CCDC85C: variants seen among roughly 807,000 people sequenced by gnomAD.
CCDC85C encodes coiled-coil domain-containing protein 85C.
CCDC85C carries 18 observed loss-of-function variants against 38.3 expected under a neutral mutation model. The ratio of observed to expected loss-of-function variants is 0.47; its 90% CI spans 0.33 to 0.70. The LOEUF (loss-of-function observed/expected upper bound fraction) is 0.70, where lower values mean the gene tolerates loss of function less well. Ranked by LOEUF, CCDC85C falls within the 30% of genes least tolerant of loss-of-function variation. The pLI is 0.03. For missense variants in CCDC85C, 566 were observed against 621.2 expected, an observed-to-expected ratio of 0.91 and a Z score of 0.94; for synonymous variants, 264 against 293.8, an observed-to-expected ratio of 0.90 and a Z score of 1.04.
chr14:99,583,509 A>C (rs1054778240), intron 1 of CCDC85C, among the ~76,000 whole-genome samples: 2 of 150,786 alleles, frequency 1.3e-5, no homozygotes, highest in African/African-American at 4.9e-5. Flanking sequence ...TCTCAAAAAA[A>C]AAAAAAAAAA....
chr14:99,578,196 T>TGTGTAC (rs1566780374), intron 1 of CCDC85C, among the ~76,000 whole-genome samples: 5 of 143,774 alleles, frequency 3.5e-5, no homozygotes, highest in African/African-American at 1.4e-4. Flanking sequence ...TGTGTGTGTG[T>TGTGTAC]ACATATCTCT....
At chr14:99,562,485 A>C (rs895521348) in intron 1 of CCDC85C, among the ~76,000 whole-genome samples, 1 of 152,184 alleles carries the variant, frequency 6.6e-6, no homozygotes, top group African/African-American at 2.4e-5. Context: ...CAGGCACAAA[A>C]ACCAAGCTTC....
rs1422357217 is a variant in CCDC85C, at chr14:99,503,682, T to A, written c.*11564A>T. 1.3e-6 allele frequency: 2 copies of A among 1,507,044 alleles called. No homozygotes were observed. Among genetic ancestry groups the A allele is most frequent in the Non-Finnish European group, 1.8e-6 (2 of 1,111,404 alleles). The allele number at this position is 1,507,044 out of a possible 1,614,324, so 93.4% of individuals were successfully genotyped here. A position where few individuals can be genotyped will look rare whatever the true frequency, so the allele number is the denominator to read the frequency against. On this transcript the variant is annotated 3_prime_UTR_variant, in exon 6 of 6. Coordinates refer to ENST00000380243, the MANE Select transcript of CCDC85C (RefSeq NM_001144995.2). ...TCTGATGTTTTTTTAGTTTTATGTG[T>A]TTATATGCAAAACTTTAAATTCTTA... is the stretch of plus-strand genomic sequence containing the variant.
Position 99,603,551 on chromosome 14 carries a change from G to A in CCDC85C, c.409C>T (p.Leu137=). The A allele has an allele frequency of 7.2e-7, 1 of 1,392,868 alleles. No individual in the cohort carries two copies. Among genetic ancestry groups the A allele is most frequent in the Non-Finnish European group, 9.3e-7 (1 of 1,079,464 alleles). The allele number at this position is 1,392,868 out of a possible 1,614,324, so 86.3% of individuals were successfully genotyped here. Residue 137 remains leucine (L), a synonymous_variant, in exon 1 of 6, where the codon CTG becomes TTG. Coordinates refer to ENST00000380243, the MANE Select transcript of CCDC85C (RefSeq NM_001144995.2). This position sits in a 1 kb window ranked among gnomAD's most constrained non-coding sequence, Gnocchi z 7.5. ...LRELEARQEA[L]LRENLELKEL... ...TTGAGCTCCAGGTTCTCGCGCAGCA[G>A]GGCCTCCTGGCGCGCCTCGAGCTCG...
At chr14:99,593,479 C>T (rs2055109982) in intron 1 of CCDC85C, among the ~76,000 whole-genome samples, 1 of 152,246 alleles carries the variant, frequency 6.6e-6, no homozygotes, top group African/African-American at 2.4e-5. Flanking sequence ...CATGGGGATG[C>T]CTGGCAGCTG....
At position 99,501,090 on chromosome 14, in the gene CCDC85C, G is replaced by A. The variant is rs1209019039; in HGVS notation, c.*14156C>T. On this transcript the variant is annotated 3_prime_UTR_variant, in exon 6 of 6. Transcript: ENST00000380243. The stretch of plus-strand genomic sequence containing the variant: ...ATCCAGTTGCCAAGTGATGGGAGAG[G>A]CAGGAAAATGAGGCAGAATTTTTTA... 1.7e-6 allele frequency: 1 copy of A among 599,662 alleles called. No individual in the cohort carries two copies. The highest frequency in any genetic ancestry group is 1.9e-5 in the African/African-American group (1 of 53,412). The allele number at this position is 599,662 out of a possible 1,614,324, so 37.1% of individuals were successfully genotyped here.
In CCDC85C at chr14:99,516,404, G is replaced by T. The variant is rs964002405; in HGVS notation, c.1072-118C>A. 4 of 715,866 alleles carry T rather than the reference G, an allele frequency of 5.6e-6. No individual in the cohort carries two copies. The Admixed American group carries it at 7.2e-5, about 13-fold the overall frequency. The allele number at this position is 715,866 out of a possible 1,614,324, so 44.3% of individuals were successfully genotyped here. A position where few individuals can be genotyped will look rare whatever the true frequency, so the allele number is the denominator to read the frequency against. ...GAACCAAAGCTGAGGACCCTGAGCCGCTGGGCCCCTGGGGACAAGCGTGGA... is the reference window on the plus strand; with the variant it reads ...GAACCAAAGCTGAGGACCCTGAGCCTCTGGGCCCCTGGGGACAAGCGTGGA... On this transcript the variant is annotated intron_variant, in intron 4 of 5. Coordinates refer to ENST00000380243, the MANE Select transcript of CCDC85C (RefSeq NM_001144995.2). This position sits in a 1 kb window ranked among gnomAD's most constrained non-coding sequence, Gnocchi z 5.5.
At chr14:99,566,945 G>A (rs1385246678) in intron 1 of CCDC85C, among the ~76,000 whole-genome samples, 2 of 152,214 alleles carry the variant, frequency 1.3e-5, no homozygotes, top group Non-Finnish European at 2.9e-5. Context: ...AGGTGAGCAT[G>A]CTAGCATAAC....
chr14:99,526,580 C>T (rs1382443704), intron 2 of CCDC85C, among the ~76,000 whole-genome samples: 3 of 152,194 alleles, frequency 2.0e-5, no homozygotes, highest in East Asian at 1.9e-4. Context: ...CAAGACCTGG[C>T]GACCTCCCTC....
intron 1 of CCDC85C, among the ~76,000 whole-genome samples, chr14:99,539,330 C>T (rs946399652): frequency 8.6e-5 from 13 of 151,840 alleles, no homozygotes; most frequent in Non-Finnish European, 1.9e-4. Context: ...ATTAGCTGGG[C>T]GTGATGGCAG....
chr14:99,552,516 G>T (rs1054726736), intron 1 of CCDC85C, among the ~76,000 whole-genome samples: 5 of 152,222 alleles, frequency 3.3e-5, no homozygotes, highest in Admixed American at 2.0e-4. Context: ...CAGTCCGGTG[G>T]GACGAGGTCA....
Position 99,502,678 on chromosome 14 carries a change from A to C in CCDC85C, c.*12568T>G, listed in dbSNP as rs763535876. 1.8e-5 allele frequency: 29 copies of C among 1,585,716 alleles called. No individual in the cohort carries two copies. Among genetic ancestry groups the C allele is most frequent in the Non-Finnish European group, 2.3e-5 (26 of 1,155,384 alleles). On this transcript the variant is annotated 3_prime_UTR_variant, in exon 6 of 6. Coordinates refer to ENST00000380243, the MANE Select transcript of CCDC85C (RefSeq NM_001144995.2). Reference sequence around the variant, plus strand: ...TTATCCAGGTAAAATTTTATTTAAAATACCAATTTGTGTAAAATGTAATTG... The same window carrying C: ...TTATCCAGGTAAAATTTTATTTAAACTACCAATTTGTGTAAAATGTAATTG...
Position 99,603,747 on chromosome 14 carries a change from C to T in CCDC85C, c.213G>A (p.Lys71=). The T allele has an allele frequency of 2.0e-6, 3 of 1,524,186 alleles. No individual in the cohort carries two copies. Among genetic ancestry groups the T allele is most frequent in the Non-Finnish European group, 2.6e-6 (3 of 1,141,676 alleles). 94.4% of individuals were successfully genotyped at this position (1,524,186 alleles called of 1,614,324 possible). ...CGTCCTGCAGCCGCTGGTTCACGTC[C>T]TTGAGGCCGCGGATCTCCAGCAGGT... The part of the protein sequence containing the change: ...QQHLLEIRGL[K]DVNQRLQDDN... The change falls in exon 1 of 6, where the codon AAG becomes AAA. Residue 71 remains lysine, a synonymous_variant. Transcript: ENST00000380243. The surrounding 1 kb of genome is among the most constrained non-coding windows in gnomAD (Gnocchi z 7.5).
At chr14:99,563,052 A>C (rs944568731) in intron 1 of CCDC85C, among the ~76,000 whole-genome samples, 1 of 152,256 alleles carries the variant, frequency 6.6e-6, no homozygotes, top group South Asian at 2.1e-4. Context: ...TACCTAGTAC[A>C]TAAAACGGCC....
intron 3 of CCDC85C, 77 bp from the exon 4 acceptor site, chr14:99,517,260 C>A: frequency 8.5e-7 from 1 of 1,174,066 alleles, no homozygotes; most frequent in Non-Finnish European, 1.2e-6. Context: ...GACAAGGCCC[C>A]CATTCTGAGG....
Position 99,512,462 on chromosome 14 carries a change from C to T in CCDC85C, c.*2784G>A, listed in dbSNP as rs1164401342. 1 of 152,006 alleles carries T rather than the reference C, an allele frequency of 6.6e-6. No homozygotes were observed. The highest frequency in any genetic ancestry group is 1.5e-5 in the Non-Finnish European group (1 of 68,004). 9.4% of individuals were successfully genotyped at this position (152,006 alleles called of 1,614,324 possible). A position where few individuals can be genotyped will look rare whatever the true frequency, so the allele number is the denominator to read the frequency against. On this transcript the variant is annotated 3_prime_UTR_variant, in exon 6 of 6. Transcript: ENST00000380243. ...AAAATCAGTAGTATGTATCTTGTTT[C>T]CTCAAGTTTCAAGAAAAAAAAAATG...
rs1397372200 is a variant in CCDC85C at position 99,539,875 on chromosome 14, G to A, written c.794-3787C>T. On this transcript the variant is annotated intron_variant, in intron 1 of 5. Transcript: ENST00000380243. Reference sequence around the variant, plus strand: ...TCAGAAAAAAAGAATGGCCGGGCGCGGTGGCTCATGCCTGTAATCCCAGCA... The same window carrying A: ...TCAGAAAAAAAGAATGGCCGGGCGCAGTGGCTCATGCCTGTAATCCCAGCA... Among the ~76,000 whole-genome samples, 15 of 152,052 alleles carry A rather than the reference G, an allele frequency of 9.9e-5. No individual in the cohort carries two copies. The East Asian group carries it at 1.3e-3, about 14-fold the overall frequency.
At chr14:99,555,138 G>C (rs1011352081) in intron 1 of CCDC85C, among the ~76,000 whole-genome samples, 1 of 152,216 alleles carries the variant, frequency 6.6e-6, no homozygotes, top group East Asian at 1.9e-4. Flanking sequence ...GAGGCGGGCG[G>C]GACAGGGAGC....
rs1897235064 is a variant in CCDC85C, at chr14:99,516,924, G to A, written c.1071+164C>T. Among the ~76,000 whole-genome samples, 1 of 152,110 alleles carries A rather than the reference G, an allele frequency of 6.6e-6. No individual in the cohort carries two copies. The highest frequency in any genetic ancestry group is 2.1e-4 in the South Asian group (1 of 4,834). On this transcript the variant is annotated intron_variant, in intron 4 of 5. Transcript: ENST00000380243. The surrounding 1 kb of genome is among the most constrained non-coding windows in gnomAD (Gnocchi z 5.5). Reference sequence around the variant, plus strand: ...ACACACTTATGACTGCCACCTCTGAGTTCAACCTCACAGTGCTCCAGGCAG... The same window carrying A: ...ACACACTTATGACTGCCACCTCTGAATTCAACCTCACAGTGCTCCAGGCAG...
Sources: gnomAD v4.1 joint callset for allele counts (sites outside exome capture counted in the v4.1 genomes callset) on GRCh38, gnomAD v4.1.1 for gene constraint, Gnocchi (gnomAD v3.1) non-coding constraint, MANE v1.5 for transcripts, NCBI Gene and HGNC (gene_info 2026-07-23, HGNC 2026-07-21) for gene names.